The following FIGN variants were observed in gnomAD, a reference collection of about 807,000 sequenced individuals.
FIGN encodes the protein fidgetin.
FIGN carries 11 observed loss-of-function variants against 51.3 expected under a neutral mutation model. The observed-to-expected ratio is 0.21, with a 90% confidence interval of 0.13 to 0.35. The LOEUF (loss-of-function observed/expected upper bound fraction) is 0.35, where lower values mean the gene tolerates loss of function less well. Among genes scored for constraint, FIGN ranks in the 10% least tolerant of loss-of-function variants. The probability of loss-of-function intolerance (pLI) is 1.00; values close to 1 mark genes in which losing one functional copy is unlikely to be tolerated. For missense variants in FIGN, 857 were observed against 943.6 expected (o/e 0.91, Z 1.20); for synonymous variants, 407 against 363.2 (o/e 1.12, Z -1.37).
chr2:163,665,671 C>T (rs1683761398), intron 2 of FIGN, among the ~76,000 whole-genome samples: 1 of 152,146 alleles, frequency 6.6e-6, no homozygotes, highest in Non-Finnish European at 1.5e-5. Flanking sequence ...ATATCTGCTG[C>T]TTTGTGAGCA....
At chr2:163,639,877 A>C (rs924143355) in intron 2 of FIGN, among the ~76,000 whole-genome samples, 2 of 152,164 alleles carry the variant, frequency 1.3e-5, no homozygotes, top group Admixed American at 6.6e-5. Context: ...TAATATTTTA[A>C]GTTTCTGTAA....
chr2:163,659,814 G>A (rs578121072), intron 2 of FIGN, among the ~76,000 whole-genome samples: 1 of 152,260 alleles, frequency 6.6e-6, no homozygotes, highest in South Asian at 2.1e-4. Context: ...CATGTGCATA[G>A]TAAAGAGGCC....
chr2:163,705,871 A>T (rs1175276035), intron 2 of FIGN, among the ~76,000 whole-genome samples: 1 of 152,168 alleles, frequency 6.6e-6, no homozygotes, highest in Non-Finnish European at 1.5e-5. Context: ...CAGAAAAACT[A>T]AAAACAACGT....
chr2:163,732,855 G>T (rs765279616), intron 2 of FIGN, among the ~76,000 whole-genome samples: 2 of 152,124 alleles, frequency 1.3e-5, no homozygotes, highest in Non-Finnish European at 2.9e-5. Context: ...CTTGATAAAC[G>T]ACTTGTTCAA....
intron 2 of FIGN, among the ~76,000 whole-genome samples, chr2:163,723,993 C>A (rs553501579): frequency 6.6e-6 from 1 of 152,112 alleles, no homozygotes; most frequent in South Asian, 2.1e-4. Context: ...ATCTTTTAGA[C>A]GACTAGCAAG....
At chr2:163,652,481 CA>C (rs35967241) in intron 2 of FIGN, among the ~76,000 whole-genome samples, 12 of 151,298 alleles carry the variant, frequency 7.9e-5, no homozygotes, top group African/African-American at 2.9e-4. Context: ...TATATCCTAC[CA>C]AAAAAAACTA....
At chr2:163,660,351 C>G (rs1184478620) in intron 2 of FIGN, among the ~76,000 whole-genome samples, 2 of 151,912 alleles carry the variant, frequency 1.3e-5, no homozygotes, top group Non-Finnish European at 2.9e-5. Flanking sequence ...ACTTCCTTCT[C>G]ATTGATGGTA....
chr2:163,614,831 C>T (rs964647351), intron 2 of FIGN, among the ~76,000 whole-genome samples: 1 of 151,640 alleles, frequency 6.6e-6, no homozygotes, highest in Admixed American at 6.6e-5. Context: ...TTTAAAAAAA[C>T]ACAGGAGGTG....
chr2:163,649,091 T>G (rs1220497783), intron 2 of FIGN, among the ~76,000 whole-genome samples: 1 of 152,160 alleles, frequency 6.6e-6, no homozygotes, highest in Non-Finnish European at 1.5e-5. Context: ...GGAAATCATC[T>G]CATATGTTAA....
At chr2:163,628,913 A>G (rs952727429) in intron 2 of FIGN, among the ~76,000 whole-genome samples, 2 of 152,186 alleles carry the variant, frequency 1.3e-5, no homozygotes, top group African/African-American at 4.8e-5. Flanking sequence ...AGGCCAGCCC[A>G]GAGCTAAAGT....
intron 2 of FIGN, among the ~76,000 whole-genome samples, chr2:163,658,268 AC>A (rs1683593855): frequency 6.6e-6 from 1 of 151,722 alleles, no homozygotes; most frequent in Non-Finnish European, 1.5e-5. Flanking sequence ...GAGTGCTGGG[AC>A]CCAGGCTGTG....
At chr2:163,734,481 A>G (rs1369163998) in intron 2 of FIGN, among the ~76,000 whole-genome samples, 1 of 148,168 alleles carries the variant, frequency 6.7e-6, no homozygotes, top group African/African-American at 2.5e-5. Context: ...GTGTACATAT[A>G]TATAGATACA....
chr2:163,647,669 A>G (rs1683403047), intron 2 of FIGN, among the ~76,000 whole-genome samples: 1 of 152,228 alleles, frequency 6.6e-6, no homozygotes, highest in African/African-American at 2.4e-5. Context: ...TTTCAGTAAC[A>G]AACTTTATAA....
chr2:163,707,766 T>C (rs1684523546), intron 2 of FIGN, among the ~76,000 whole-genome samples: 1 of 151,856 alleles, frequency 6.6e-6, no homozygotes, highest in Non-Finnish European at 1.5e-5. Context: ...AGGTGAAGAG[T>C]GGGCATTTTT....
chr2:163,619,991 T>A (rs1175702890), intron 2 of FIGN, among the ~76,000 whole-genome samples: 2 of 152,104 alleles, frequency 1.3e-5, no homozygotes, highest in Non-Finnish European at 2.9e-5. Context: ...AAAAAAAGTG[T>A]ACAAAACTGT....
chr2:163,665,135 G>A (rs1683752981), intron 2 of FIGN, among the ~76,000 whole-genome samples: 1 of 152,244 alleles, frequency 6.6e-6, no homozygotes, highest in African/African-American at 2.4e-5. Context: ...GGACAGTGCT[G>A]TTTAATTTCT....
At chr2:163,694,328 G>T (rs1684284026) in intron 2 of FIGN, among the ~76,000 whole-genome samples, 1 of 152,172 alleles carries the variant, frequency 6.6e-6, no homozygotes. Context: ...AGTTAAATCA[G>T]TTTGGGAAAT....
At position 163,615,475 on chromosome 2, in the gene FIGN, A is replaced by G. The variant is rs550735196; in HGVS notation, c.26-3669T>C. On this transcript the variant is annotated intron_variant, in intron 2 of 2. Coordinates refer to ENST00000333129, the MANE Select transcript of FIGN (RefSeq NM_018086.4). ...TAACCAAATTTATTTTTTTGTTGTTATTGTTATTGTGTTTATTGGTGGTGC... is the reference window on the plus strand; with the variant it reads ...TAACCAAATTTATTTTTTTGTTGTTGTTGTTATTGTGTTTATTGGTGGTGC... Among the ~76,000 whole-genome samples, 47 of 152,080 alleles carry G rather than the reference A, an allele frequency of 3.1e-4. 1 individual carries two copies. The highest frequency in any genetic ancestry group is 5.7e-4 in the Non-Finnish European group (39 of 67,998).
chr2:163,616,791 C>G (rs1045108802), intron 2 of FIGN, among the ~76,000 whole-genome samples: 2 of 152,080 alleles, frequency 1.3e-5, no homozygotes, highest in South Asian at 2.1e-4. Flanking sequence ...TAATACTTTA[C>G]AGCCTCTTCT....
Sources: allele counts gnomAD v4.1 joint callset (sites outside exome capture counted in the v4.1 genomes callset), GRCh38; gene constraint gnomAD v4.1.1; transcripts MANE v1.5; gene names NCBI Gene and HGNC (gene_info 2026-07-23, HGNC 2026-07-21).